The following ATP8B3 variants were observed in gnomAD, a reference collection of about 807,000 sequenced individuals.
The protein encoded by ATP8B3 is phospholipid-transporting ATPase IK.
A neutral mutation model predicts 140.9 loss-of-function variants in ATP8B3; 141 were observed. The observed-to-expected ratio is 1.00, with a 90% CI of 0.87 to 1.15. The LOEUF (loss-of-function observed/expected upper bound fraction) is 1.15, where lower values mean the gene tolerates loss of function less well. Ranked by LOEUF, ATP8B3 falls within the 50% of genes most tolerant of loss-of-function variation. The pLI is 0.00. For missense variants in ATP8B3, 1,874 were observed against 1,740.6 expected (o/e 1.08, Z -1.36); for synonymous variants, 765 against 714.6 (o/e 1.07, Z -1.13).
rs16994563 is a variant in ATP8B3, at chr19:1,785,186, C to T, written c.3505G>A (p.Val1169Ile). 0.045 allele frequency: 72,457 copies of T among 1,596,098 alleles called. 1,811 individuals are homozygous for T. Among genetic ancestry groups the T allele is most frequent in the Middle Eastern group, 0.076 (460 of 6,028 alleles). The change falls in exon 27 of 29, where the codon GTA becomes ATA. Residue 1169 changes from valine (V) to isoleucine (I), a missense_variant. Physicochemically the swap from Val to Ile is conservative, Grantham distance 29. Coordinates refer to ENST00000310127, the MANE Select transcript of ATP8B3 (RefSeq NM_138813.4). ...AGAAACGGGAAGGTCGTGGGGGATACTCTGAAGAGCCAGAAGCTCTGGGTG... is the reference window on the plus strand; with the variant it reads ...AGAAACGGGAAGGTCGTGGGGGATATTCTGAAGAGCCAGAAGCTCTGGGTG... Reference protein sequence around the residue: ...TTTQSFWLFRVSPTTFPFLYA... With the variant: ...TTTQSFWLFRISPTTFPFLYA...
rs1469594481 is a variant in ATP8B3, at chr19:1,796,745, C to T, written c.1719G>A (p.Thr573=). 20 of 1,612,024 alleles carry T rather than the reference C, an allele frequency of 1.2e-5. No individual in the cohort carries two copies. The highest frequency in any genetic ancestry group is 2.2e-5 in the East Asian group (1 of 44,856). Reference sequence around the variant, plus strand: ...CACGGGGGCTCTCCCGCACCATCACCGTGTGGCAGATGGCCAGCAGGCGCC... The same window carrying T: ...CACGGGGGCTCTCCCGCACCATCACTGTGTGGCAGATGGCCAGCAGGCGCC... ...EFWRLLAICH[T]VMVRESPRER... Residue 573 remains threonine, a synonymous_variant, in exon 16 of 29, where the codon ACG becomes ACA. Coordinates refer to ENST00000310127, the MANE Select transcript of ATP8B3 (RefSeq NM_138813.4).
Position 1,782,249 on chromosome 19 carries a change from A to T in ATP8B3, c.*779T>A. ...TGCCAGCGTGACTCCTTTGGGCTCG[A>T]AGATGCCTCTTCATCAGATGGGTCT... On this transcript the variant is annotated 3_prime_UTR_variant, in exon 29 of 29. Transcript: ENST00000310127. 1 of 324,508 alleles carries T rather than the reference A, an allele frequency of 3.1e-6. No individual in the cohort carries two copies. Among genetic ancestry groups the T allele is most frequent in the South Asian group, 1.2e-4 (1 of 8,106 alleles). 20.1% of individuals were successfully genotyped at this position (324,508 alleles called of 1,614,324 possible).
chr19:1,802,558 A>T lies in ATP8B3; in HGVS notation c.992T>A (p.Ile331Asn). The change falls in exon 11 of 29, where the codon ATT becomes AAT. Residue 331 changes from isoleucine to asparagine, a missense_variant. By Grantham distance (149) the Ile-to-Asn change is moderately radical (BLOSUM62 -3). Coordinates refer to ENST00000310127, the MANE Select transcript of ATP8B3 (RefSeq NM_138813.4). ...EWNDKKYSLD[I>N]GNLLLRGCRI... ...GCAGCCTCGGAGGAGGAGGTTGCCA[A>T]TGTCCAGGGAGTATTTCTTGTCATT... is the stretch of plus-strand genomic sequence containing the variant. 6.2e-7 allele frequency: 1 copy of T among 1,610,770 alleles called. No individual in the cohort carries two copies. The highest frequency in any genetic ancestry group is 8.5e-7 in the Non-Finnish European group (1 of 1,179,428).
Position 1,806,792 on chromosome 19 carries a change from G to T in ATP8B3, c.616-103C>A. On this transcript the variant is annotated intron_variant, in intron 6 of 28. Coordinates refer to ENST00000310127, the MANE Select transcript of ATP8B3 (RefSeq NM_138813.4). The surrounding 1 kb of genome is among the most constrained non-coding windows in gnomAD (Gnocchi z 5.6). ...CAGCAGTGCCCGCCCGCAACACGGGGTCCCTGTCCGCTGGCCCCACGCCAC... is the reference window on the plus strand; with the variant it reads ...CAGCAGTGCCCGCCCGCAACACGGGTTCCCTGTCCGCTGGCCCCACGCCAC... 2 of 1,300,890 alleles carry T rather than the reference G, an allele frequency of 1.5e-6. No individual in the cohort carries two copies. Among genetic ancestry groups the T allele is most frequent in the Non-Finnish European group, 2.2e-6 (2 of 926,930 alleles). 80.6% of individuals were successfully genotyped at this position (1,300,890 alleles called of 1,614,324 possible).
intron 11 of ATP8B3, 25 bp from the exon 12 acceptor site, chr19:1,802,069 A>T: frequency 9.0e-7 from 1 of 1,112,376 alleles, no homozygotes; most frequent in Non-Finnish European, 1.2e-6. Context: ...CCATCTATCC[A>T]CCCACCCACC....
intron 11 of ATP8B3, 25 bp from the exon 12 acceptor site, chr19:1,802,069 ACC>A: frequency 3.6e-6 from 4 of 1,112,348 alleles, no homozygotes; most frequent in Non-Finnish European, 4.7e-6. Flanking sequence ...CCATCTATCC[ACC>A]CACCCACCCA....
chr19:1,802,743 C>T (rs1298878590), intron 10 of ATP8B3, 98 bp from the exon 11 acceptor site: 29 of 1,420,122 alleles, frequency 2.0e-5, no homozygotes, highest in Non-Finnish European at 2.6e-5. Flanking sequence ...GCCACCCTCA[C>T]GAGCCCCTCT....
At chr19:1,790,150 G>T (rs1295398864) in intron 21 of ATP8B3, among the ~76,000 whole-genome samples, 161 bp from the exon 22 acceptor site, 36 of 86,414 alleles carry the variant, frequency 4.2e-4, no homozygotes, top group Non-Finnish European at 7.2e-4. Flanking sequence ...TCCTCCTCCC[G>T]CCGCTGCCCC....
chr19:1,806,761 G>A lies in ATP8B3; in HGVS notation c.616-72C>T. On this transcript the variant is annotated intron_variant, in intron 6 of 28. Transcript: ENST00000310127. The surrounding 1 kb of genome is among the most constrained non-coding windows in gnomAD (Gnocchi z 5.6). ...CCCCCGCCCAGGCCGCTGCCGCACT[G>A]CAGCCCAGCAGTGCCCGCCCGCAAC... is the stretch of plus-strand genomic sequence containing the variant. 6.7e-7 allele frequency: 1 copy of A among 1,484,982 alleles called. No homozygotes were observed. The highest frequency in any genetic ancestry group is 2.5e-5 in the East Asian group (1 of 40,520). The allele number at this position is 1,484,982 out of a possible 1,614,324, so 92.0% of individuals were successfully genotyped here.
At chr19:1,788,582 G>A (rs993661738) in intron 24 of ATP8B3, among the ~76,000 whole-genome samples, 4 of 152,088 alleles carry the variant, frequency 2.6e-5, no homozygotes, top group African/African-American at 7.2e-5. Flanking sequence ...CCCGGGAGGC[G>A]GAGGCTGCAG....
At chr19:1,804,571 G>A (rs1212648108) in intron 10 of ATP8B3, among the ~76,000 whole-genome samples, 2 of 151,456 alleles carry the variant, frequency 1.3e-5, no homozygotes, top group Non-Finnish European at 2.9e-5. Context: ...TTGCGCCACT[G>A]CACTCCAGCC....
intron 2 of ATP8B3, 25 bp downstream of exon 2, chr19:1,811,464 G>C (rs376282942): frequency 7.5e-6 from 12 of 1,600,374 alleles, no homozygotes; most frequent in South Asian, 1.1e-5. Context: ...CCTGTGTTCC[G>C]GCCACCCGAT....
chr19:1,786,303 C>T (rs1212831632), intron 25 of ATP8B3, among the ~76,000 whole-genome samples: 1 of 152,056 alleles, frequency 6.6e-6, no homozygotes, highest in Non-Finnish European at 1.5e-5. Flanking sequence ...CGGTGGCTCA[C>T]GCCTGTAATC....
chr19:1,799,465 G>GAAA, intron 14 of ATP8B3: 14 of 143,224 alleles, frequency 9.8e-5, no homozygotes, highest in East Asian at 1.7e-4. Context: ...GTCTCAGAGA[G>GAAA]AAAAAAAAAA....
rs117316626 is a variant in ATP8B3 at position 1,809,741 on chromosome 19, C to T, written c.311-7G>A. The T allele has an allele frequency of 9.2e-3, 14,680 of 1,601,702 alleles. 95 individuals are homozygous for T. The highest frequency in any genetic ancestry group is 0.011 in the Non-Finnish European group (12,574 of 1,174,496). On this transcript the variant is annotated splice_polypyrimidine_tract_variant and splice_region_variant and intron_variant, in intron 3 of 28. Coordinates refer to ENST00000310127, the MANE Select transcript of ATP8B3 (RefSeq NM_138813.4). ...TGGACCTTCCAGGTGAATGCTGCAG[C>T]GAGAGAGCCGGGCGTCGCTGGAGCT...
chr19:1,789,706 G>T lies in ATP8B3; in HGVS notation c.2500C>A (p.Arg834=), dbSNP rs559138543. The part of the protein sequence containing the change: ...DFLDKLLVSL[R]KEPRALAQNV... Reference sequence around the variant, plus strand: ...TGCGCCAGGGCGCGCGGCTCCTTCCGCAGGGACACCAGCAGTTTGTCCTGG... The same window carrying T: ...TGCGCCAGGGCGCGCGGCTCCTTCCTCAGGGACACCAGCAGTTTGTCCTGG... The change falls in exon 23 of 29, where the codon CGG becomes AGG. Residue 834 remains arginine (R), a synonymous_variant. Coordinates refer to ENST00000310127, the MANE Select transcript of ATP8B3 (RefSeq NM_138813.4). 8 of 1,580,382 alleles carry T rather than the reference G, an allele frequency of 5.1e-6. No individual in the cohort carries two copies. Among genetic ancestry groups the T allele is most frequent in the Admixed American group, 3.5e-5 (2 of 57,688 alleles).
At chr19:1,799,624 T>A in intron 14 of ATP8B3, 1 of 512,040 alleles carries the variant, frequency 2.0e-6, no homozygotes, top group Non-Finnish European at 3.4e-6. Flanking sequence ...AAAAATTAGG[T>A]GTGGTGGCAG....
intron 25 of ATP8B3, 78 bp from the exon 26 acceptor site, chr19:1,785,786 G>T: frequency 6.9e-7 from 1 of 1,458,994 alleles, no homozygotes; most frequent in Non-Finnish European, 9.2e-7. Context: ...CCTCGGGCAG[G>T]CCAGTAGGGT....
intron 3 of ATP8B3, 103 bp from the exon 4 acceptor site, chr19:1,809,837 T>C (rs8107742): frequency 0.82 from 871,405 of 1,058,764 alleles, 359,282 homozygotes; most frequent in East Asian, 0.89. Flanking sequence ...ACCCAGGCAC[T>C]GGGGAGGCCC....
Sources: allele counts gnomAD v4.1 joint callset (sites outside exome capture counted in the v4.1 genomes callset), GRCh38; gene constraint gnomAD v4.1.1; non-coding constraint Gnocchi (gnomAD v3.1); transcripts MANE v1.5; gene names NCBI Gene and HGNC (gene_info 2026-07-23, HGNC 2026-07-21).